Variants in PAPPA observed in about 807,000 individuals in gnomAD.
The protein encoded by PAPPA is pappalysin 1.
PAPPA carries 60 observed loss-of-function variants against 164.0 expected under a neutral mutation model. The observed-to-expected ratio is 0.37, with a 90% CI of 0.30 to 0.45. The LOEUF is 0.45. Ranked by LOEUF, PAPPA falls within the 20% of genes least tolerant of loss-of-function variation. The probability of loss-of-function intolerance (pLI) is 1.00; values close to 1 mark genes in which losing one functional copy is unlikely to be tolerated. For synonymous variants in PAPPA, 875 were observed against 814.1 expected (o/e 1.07, Z -1.27); for missense variants, 1,782 against 2,087.3 (o/e 0.85, Z 2.85).
At chr9:116,213,020 G>A (rs1208860605) in intron 4 of PAPPA, among the ~76,000 whole-genome samples, 2 of 152,030 alleles carry the variant, frequency 1.3e-5, no homozygotes, top group Non-Finnish European at 2.9e-5. Flanking sequence ...TTTTACTCTT[G>A]TATTTCTTCT....
intron 7 of PAPPA, among the ~76,000 whole-genome samples, chr9:116,243,515 C>A (rs573818522): frequency 6.6e-6 from 1 of 152,240 alleles, no homozygotes; most frequent in South Asian, 2.1e-4. Flanking sequence ...TAAGGTCCCC[C>A]AGTTAATAGA....
At chr9:116,178,120 G>A (rs916037331) in intron 1 of PAPPA, among the ~76,000 whole-genome samples, 1 of 152,102 alleles carries the variant, frequency 6.6e-6, no homozygotes, top group Admixed American at 6.5e-5. Flanking sequence ...TCATTTATTT[G>A]TTTGAGACGG....
intron 5 of PAPPA, among the ~76,000 whole-genome samples, chr9:116,227,177 T>G (rs1371243929): frequency 1.3e-5 from 2 of 152,212 alleles, no homozygotes; most frequent in Non-Finnish European, 2.9e-5. Flanking sequence ...CTGTTGACTT[T>G]GTGCTGCTAA....
chr9:116,258,741 A>T (rs763256052), intron 7 of PAPPA, among the ~76,000 whole-genome samples: 3 of 152,258 alleles, frequency 2.0e-5, no homozygotes, highest in Admixed American at 2.0e-4. Context: ...CAGTAGTGAA[A>T]GGATTAACTG....
chr9:116,186,297 G>C (rs1360003607), intron 1 of PAPPA, among the ~76,000 whole-genome samples: 2 of 150,244 alleles, frequency 1.3e-5, no homozygotes, highest in Non-Finnish European at 3.0e-5. Context: ...GATATATATA[G>C]ACAGAGAGAG....
Position 116,154,517 on chromosome 9 carries a change from C to A in PAPPA, c.345C>A (p.Pro115=). Residue 115 remains proline (P), a synonymous_variant, in exon 1 of 22, where the codon CCC becomes CCA. Coordinates refer to ENST00000328252, the MANE Select transcript of PAPPA (RefSeq NM_002581.5). The surrounding 1 kb of genome is among the most constrained non-coding windows in gnomAD (Gnocchi z 5.2). ...GCCTCCGGGCCGACCTCGAGCTGCC[C>A]CGGGACGCGTTCACGCTGCAAGTGT... ...QLRLRADLEL[P]RDAFTLQVWL... The A allele has an allele frequency of 1.9e-5, 27 of 1,398,010 alleles. No individual in the cohort carries two copies. Among genetic ancestry groups the A allele is most frequent in the Non-Finnish European group, 2.4e-5 (26 of 1,073,888 alleles). 86.6% of individuals were successfully genotyped at this position (1,398,010 alleles called of 1,614,324 possible).
chr9:116,386,906 T>C (rs1014292062), intron 21 of PAPPA, among the ~76,000 whole-genome samples: 1 of 152,180 alleles, frequency 6.6e-6, no homozygotes. Context: ...AAGAAAGTTC[T>C]GGTTTTTGTT....
chr9:116,162,241 T>G (rs1269585650), intron 1 of PAPPA, among the ~76,000 whole-genome samples: 3 of 152,176 alleles, frequency 2.0e-5, no homozygotes, highest in Non-Finnish European at 4.4e-5. Context: ...TATTGTGAAA[T>G]GTTTAGCATC....
At chr9:116,219,844 C>T (rs1844420197) in intron 4 of PAPPA, 93 bp from the exon 5 acceptor site, 1 of 1,040,908 alleles carries the variant, frequency 9.6e-7, no homozygotes, top group Admixed American at 2.2e-5. Flanking sequence ...GACTTGGGTG[C>T]TGACTCTTGG....
Position 116,379,906 on chromosome 9 carries a change from G to T in PAPPA, c.4677+2259G>T, listed in dbSNP as rs114741940. Among the ~76,000 whole-genome samples, 778 of 152,234 alleles carry T rather than the reference G, an allele frequency of 5.1e-3. 4 individuals carry two copies. Among genetic ancestry groups the T allele is most frequent in the African/African-American group, 0.018 (746 of 41,548 alleles). On this transcript the variant is annotated intron_variant, in intron 20 of 21. Transcript: ENST00000328252. ...AACATGAGATAAACCAGAGACAGGA[G>T]AAATCTCTAAGTACCAGAGCTTTTC...
At chr9:116,255,681 G>T (rs1346807536) in intron 7 of PAPPA, among the ~76,000 whole-genome samples, 3 of 151,914 alleles carry the variant, frequency 2.0e-5, no homozygotes, top group African/African-American at 7.2e-5. Context: ...GAGAGATGTG[G>T]CTTTGCAACT....
chr9:116,397,571 G>A lies in PAPPA; in HGVS notation c.*955G>A, dbSNP rs960779866. ...TAAAAGTGACCCACATTTTTCCATA[G>A]CTCCTCACTTTTTAGCCCTTCTGCA... On this transcript the variant is annotated 3_prime_UTR_variant, in exon 22 of 22. Transcript: ENST00000328252. 2 of 152,578 alleles carry A rather than the reference G, an allele frequency of 1.3e-5. No individual in the cohort carries two copies. The highest frequency in any genetic ancestry group is 4.8e-5 in the African/African-American group (2 of 41,432). 9.5% of individuals were successfully genotyped at this position (152,578 alleles called of 1,614,324 possible).
In PAPPA at chr9:116,219,882, A is replaced by G. The variant is rs1314341208; in HGVS notation, c.1919-55A>G. Reference sequence around the variant, plus strand: ...CGCCAGGAGCCGTCATTACTCTCTCATATGCCTGCCTGCCTTGCGGCTTGG... The same window carrying G: ...CGCCAGGAGCCGTCATTACTCTCTCGTATGCCTGCCTGCCTTGCGGCTTGG... On this transcript the variant is annotated intron_variant, in intron 4 of 21. Transcript: ENST00000328252. 2.0e-6 allele frequency: 3 copies of G among 1,470,160 alleles called. No individual in the cohort carries two copies. The African/African-American group carries it at 4.2e-5, about 20-fold the overall frequency. The allele number at this position is 1,470,160 out of a possible 1,614,324, so 91.1% of individuals were successfully genotyped here. A position where few individuals can be genotyped will look rare whatever the true frequency, so the allele number is the denominator to read the frequency against.
intron 17 of PAPPA, among the ~76,000 whole-genome samples, chr9:116,354,827 G>C (rs958311321): frequency 2.0e-5 from 3 of 152,088 alleles, no homozygotes; most frequent in African/African-American, 7.2e-5. Context: ...GAGCAATTAT[G>C]TCAATCTCTC....
intron 10 of PAPPA, among the ~76,000 whole-genome samples, chr9:116,314,105 C>T (rs1054996937): frequency 6.9e-5 from 8 of 116,324 alleles, no homozygotes; most frequent in Non-Finnish European, 1.2e-4. Context: ...TGGAGTCTCA[C>T]TCTTTCGCCA....
intron 6 of PAPPA, among the ~76,000 whole-genome samples, chr9:116,228,362 C>T (rs1456355946): frequency 6.6e-6 from 1 of 152,138 alleles, no homozygotes; most frequent in Non-Finnish European, 1.5e-5. Flanking sequence ...TGCTCTTCTG[C>T]AGGTTAGCTC....
intron 2 of PAPPA, among the ~76,000 whole-genome samples, chr9:116,200,304 G>A (rs1186146326): frequency 2.6e-5 from 4 of 152,164 alleles, no homozygotes; most frequent in African/African-American, 9.7e-5. Flanking sequence ...TCAGCTGGGT[G>A]TCATTGCTGT....
At chr9:116,321,915 G>C (rs1037742391) in intron 10 of PAPPA, among the ~76,000 whole-genome samples, 2 of 152,200 alleles carry the variant, frequency 1.3e-5, no homozygotes, top group Non-Finnish European at 2.9e-5. Flanking sequence ...TGGACCAAGA[G>C]TTATTGGGAG....
At chr9:116,214,893 A>G (rs973891212) in intron 4 of PAPPA, among the ~76,000 whole-genome samples, 2 of 152,202 alleles carry the variant, frequency 1.3e-5, no homozygotes, top group African/African-American at 2.4e-5. Flanking sequence ...AATATATCCA[A>G]AGCAAATAAG....
Sources: allele counts gnomAD v4.1 joint callset (sites outside exome capture counted in the v4.1 genomes callset), GRCh38; gene constraint gnomAD v4.1.1; non-coding constraint Gnocchi (gnomAD v3.1); transcripts MANE v1.5; gene names NCBI Gene and HGNC (gene_info 2026-07-23, HGNC 2026-07-21).